INTS9: variants seen among roughly 807,000 people sequenced by gnomAD.
The protein encoded by INTS9 is protein related to CPSF subunits of 74 kDa.
INTS9 carries 55 observed loss-of-function variants against 79.7 expected under a neutral mutation model. The ratio of observed to expected loss-of-function variants is 0.69; its 90% confidence interval spans 0.56 to 0.86. INTS9 has a LOEUF of 0.86. INTS9 is among the 40% of genes least tolerant of loss of function. The pLI is 0.00. For missense variants in INTS9, 721 were observed against 831.5 expected, an observed-to-expected ratio of 0.87 and a Z score of 1.64; for synonymous variants, 319 against 325.2, an observed-to-expected ratio of 0.98 and a Z score of 0.20.
chr8:28,802,816 T>C (rs759319578), intron 8 of INTS9, among the ~76,000 whole-genome samples: 5 of 152,022 alleles, frequency 3.3e-5, no homozygotes, highest in African/African-American at 1.2e-4. Context: ...CTATTATAGA[T>C]AAGTTTCTAA....
intron 1 of INTS9, among the ~76,000 whole-genome samples, chr8:28,881,171 A>G (rs1382008572): frequency 8.0e-6 from 1 of 124,464 alleles, no homozygotes; most frequent in Non-Finnish European, 1.7e-5. Context: ...CCGGGAGGTG[A>G]GGGGCGCCTC....
chr8:28,768,972 CAT>C (rs1287172585), intron 16 of INTS9, among the ~76,000 whole-genome samples: 1 of 152,136 alleles, frequency 6.6e-6, no homozygotes, highest in African/African-American at 2.4e-5. Context: ...TGGGTCAGGA[CAT>C]AGGCTGGGCC....
intron 1 of INTS9, among the ~76,000 whole-genome samples, chr8:28,859,862 G>A (rs551445994): frequency 3.9e-5 from 6 of 152,142 alleles, no homozygotes; most frequent in East Asian, 1.9e-4. Context: ...TATTCATTCC[G>A]TTCTCACAAG....
intron 7 of INTS9, 115 bp downstream of exon 7, chr8:28,813,377 G>A: frequency 9.8e-7 from 1 of 1,023,642 alleles, no homozygotes; most frequent in Admixed American, 2.0e-5. Context: ...AGAGGCTCTG[G>A]ATCCTCAGCA....
intron 6 of INTS9, among the ~76,000 whole-genome samples, chr8:28,821,623 G>A (rs1015916085): frequency 2.0e-5 from 3 of 152,154 alleles, no homozygotes; most frequent in African/African-American, 7.2e-5. Context: ...TATTTCAGAG[G>A]GGGCTGTGAT....
chr8:28,867,452 C>A (rs1387604777), intron 1 of INTS9, among the ~76,000 whole-genome samples: 8 of 151,370 alleles, frequency 5.3e-5, no homozygotes, highest in African/African-American at 1.9e-4. Flanking sequence ...GTGGCGTGAG[C>A]CTTAATCCCA....
chr8:28,828,541 C>A lies in INTS9; in HGVS notation c.488+6751G>T, dbSNP rs73669456. Among the ~76,000 whole-genome samples the A allele has an allele frequency of 8.9e-3, 1,348 of 152,234 alleles. 20 individuals are homozygous for A. The highest frequency in any genetic ancestry group is 0.029 in the African/African-American group (1,225 of 41,540). On this transcript the variant is annotated intron_variant, in intron 6 of 16. Transcript: ENST00000521022. ...TAGAAGAAATAAGTTGCCACAACTACCAAGAAACAGATCTGAAATTCAAAT... is the reference window on the plus strand; with the variant it reads ...TAGAAGAAATAAGTTGCCACAACTAACAAGAAACAGATCTGAAATTCAAAT...
At chr8:28,860,563 G>A (rs1305656757) in intron 1 of INTS9, among the ~76,000 whole-genome samples, 2 of 150,656 alleles carry the variant, frequency 1.3e-5, no homozygotes, top group Non-Finnish European at 2.9e-5. Context: ...TGCAACCTCC[G>A]CCTCCCTGGT....
intron 12 of INTS9, chr8:28,780,424 T>C (rs2130892281): frequency 1.0e-6 from 1 of 985,282 alleles, no homozygotes; most frequent in Admixed American, 6.1e-5. Context: ...CCCTGAGGGA[T>C]TTGTCTCCAG....
intron 8 of INTS9, chr8:28,798,434 G>A (rs545173797): frequency 6.6e-6 from 1 of 152,334 alleles, no homozygotes; most frequent in Non-Finnish European, 1.5e-5. Flanking sequence ...AGGGAGATGA[G>A]GGACTTTAGA....
At chr8:28,827,294 CATG>C (rs1563278968) in intron 6 of INTS9, among the ~76,000 whole-genome samples, 1 of 152,238 alleles carries the variant, frequency 6.6e-6, no homozygotes, top group Non-Finnish European at 1.5e-5. Context: ...AGGGCTCTGA[CATG>C]ATGCCAAAGC....
chr8:28,789,542 C>T (rs1472267219), intron 10 of INTS9, among the ~76,000 whole-genome samples: 1 of 152,016 alleles, frequency 6.6e-6, no homozygotes, highest in Non-Finnish European at 1.5e-5. Context: ...TGTGACAGAC[C>T]CTCCTGCTCC....
At chr8:28,803,977 A>C (rs990290325) in intron 8 of INTS9, among the ~76,000 whole-genome samples, 2 of 152,130 alleles carry the variant, frequency 1.3e-5, no homozygotes, top group African/African-American at 4.8e-5. Context: ...AGGCTGGAGC[A>C]CACTGGTGCA....
intron 13 of INTS9, 25 bp from the exon 14 acceptor site, chr8:28,775,951 G>C (rs372066824): frequency 6.6e-7 from 1 of 1,521,966 alleles, no homozygotes; most frequent in African/African-American, 1.4e-5. Flanking sequence ...GGACAGTTGA[G>C]AAAGGTGGTG....
intron 4 of INTS9, among the ~76,000 whole-genome samples, chr8:28,843,259 C>T (rs546935398): frequency 1.3e-5 from 2 of 152,298 alleles, no homozygotes; most frequent in Non-Finnish European, 2.9e-5. Flanking sequence ...AAAAAAAACC[C>T]GAGTGCATTT....
intron 12 of INTS9, among the ~76,000 whole-genome samples, chr8:28,778,885 C>T (rs1465388763): frequency 6.6e-6 from 1 of 152,160 alleles, no homozygotes; most frequent in Non-Finnish European, 1.5e-5. Context: ...AGAATACTGA[C>T]CCCCTTTTCA....
chr8:28,817,992 C>T (rs1282195975), intron 6 of INTS9, among the ~76,000 whole-genome samples: 2 of 147,454 alleles, frequency 1.4e-5, no homozygotes, highest in African/African-American at 5.1e-5. Flanking sequence ...GATTTTTGTA[C>T]ATTGATTTTG....
At chr8:28,827,103 T>C (rs1471536554) in intron 6 of INTS9, among the ~76,000 whole-genome samples, 1 of 152,242 alleles carries the variant, frequency 6.6e-6, no homozygotes, top group Non-Finnish European at 1.5e-5. Flanking sequence ...ATTAGGATTA[T>C]TGGCTGATTT....
At chr8:28,862,363 A>T (rs1775214956) in intron 1 of INTS9, 1 of 338,492 alleles carries the variant, frequency 3.0e-6, no homozygotes, top group Non-Finnish European at 4.2e-6. Flanking sequence ...TCAACTCTTG[A>T]TGACTATGTT....
Sources: gnomAD v4.1 joint callset for allele counts (sites outside exome capture counted in the v4.1 genomes callset) on GRCh38, gnomAD v4.1.1 for gene constraint, MANE v1.5 for transcripts, NCBI Gene and HGNC (gene_info 2026-07-23, HGNC 2026-07-21) for gene names.